ZNHIT6: variants seen among roughly 807,000 people sequenced by gnomAD.
ZNHIT6 encodes zinc finger HIT-type containing 6.
In ZNHIT6, 45 loss-of-function variants were observed where a neutral mutation model predicts 57.2. The observed-to-expected ratio is 0.79, with a 90% CI of 0.62 to 1.01. The LOEUF (loss-of-function observed/expected upper bound fraction) is 1.01. Ranked by LOEUF, ZNHIT6 falls within the 50% of genes least tolerant of loss-of-function variation. The pLI is 0.00. For missense variants in ZNHIT6, 528 were observed against 567.3 expected, an observed-to-expected ratio of 0.93 and a Z score of 0.70; for synonymous variants, 188 against 190.0, an observed-to-expected ratio of 0.99 and a Z score of 0.09.
chr1:85,656,222 T>TA (rs1164671955), intron 9 of ZNHIT6, among the ~76,000 whole-genome samples: 1 of 152,184 alleles, frequency 6.6e-6, no homozygotes, highest in South Asian at 2.1e-4. Flanking sequence ...TGTGTGTACT[T>TA]ACGATGTGAC....
At chr1:85,693,480 T>C (rs1305391625) in intron 5 of ZNHIT6, among the ~76,000 whole-genome samples, 1 of 152,092 alleles carries the variant, frequency 6.6e-6, no homozygotes, top group Non-Finnish European at 1.5e-5. Context: ...GGAGGGAAAG[T>C]GACTTGGACA....
intron 5 of ZNHIT6, among the ~76,000 whole-genome samples, chr1:85,684,379 C>T (rs74828501): frequency 6.6e-6 from 1 of 152,176 alleles, no homozygotes; most frequent in East Asian, 1.9e-4. Flanking sequence ...CACATGCATT[C>T]TCAATGAGGG....
Position 85,708,028 on chromosome 1 carries a change from G to T in ZNHIT6, c.257C>A (p.Pro86Gln). The change falls in exon 1 of 10, where the codon CCA (proline) becomes CAA (glutamine). Residue 86 changes from proline (P) to glutamine (Q), a missense_variant. By Grantham distance (76) the Pro-to-Gln change is moderately conservative. Transcript: ENST00000370574. ...TVVKQEIIDWPGTEGRLAGQW... is the reference protein window; with the variant it reads ...TVVKQEIIDWQGTEGRLAGQW... ...GCCAGCCAACCTGCCTTCTGTACCT[G>T]GCCAGTCTATAATTTCCTGCTTCAC... is the stretch of plus-strand genomic sequence containing the variant. 1 of 1,614,048 alleles carries T rather than the reference G, an allele frequency of 6.2e-7. No homozygotes were observed. The highest frequency in any genetic ancestry group is 8.5e-7 in the Non-Finnish European group (1 of 1,180,018).
chr1:85,667,696 G>A (rs1313165950), intron 8 of ZNHIT6, among the ~76,000 whole-genome samples: 1 of 150,002 alleles, frequency 6.7e-6, no homozygotes, highest in Non-Finnish European at 1.5e-5. Flanking sequence ...ACTTTGGGAG[G>A]CTGAGGCAGG....
chr1:85,694,048 T>C (rs763162628), intron 5 of ZNHIT6, among the ~76,000 whole-genome samples: 4 of 152,064 alleles, frequency 2.6e-5, no homozygotes, highest in Non-Finnish European at 4.4e-5. Context: ...AAAAGAAATG[T>C]ACAGGGGGAA....
At chr1:85,669,145 A>ACAT (rs1661476270) in intron 8 of ZNHIT6, among the ~76,000 whole-genome samples, 1 of 152,204 alleles carries the variant, frequency 6.6e-6, no homozygotes, top group Non-Finnish European at 1.5e-5. Context: ...AATACAGGTT[A>ACAT]CATGTTCCAC....
chr1:85,707,626 T>C lies in ZNHIT6; in HGVS notation c.656+3A>G, dbSNP rs1662725045. On this transcript the variant is annotated splice_donor_region_variant and intron_variant, in intron 1 of 9. Transcript: ENST00000370574. ...CCCCTAAATGGAATCCCCCATGCCC[T>C]ACCTTGACATGGCCAGTTTCCGCTT... The C allele has an allele frequency of 6.5e-7, 1 of 1,540,816 alleles. No homozygotes were observed. The highest frequency in any genetic ancestry group is 1.4e-5 in the African/African-American group (1 of 72,332).
chr1:85,689,040 C>T (rs897750331), intron 5 of ZNHIT6, among the ~76,000 whole-genome samples: 4 of 152,140 alleles, frequency 2.6e-5, no homozygotes, highest in South Asian at 2.1e-4. Context: ...AACATTTCTG[C>T]TATGTTTCTC....
chr1:85,677,195 CT>C (rs1316263618), intron 8 of ZNHIT6, 40 bp downstream of exon 8: 1 of 1,484,238 alleles, frequency 6.7e-7, no homozygotes, highest in Non-Finnish European at 9.1e-7. Flanking sequence ...TATTACAGAA[CT>C]AAAAAATATT....
intron 8 of ZNHIT6, among the ~76,000 whole-genome samples, chr1:85,668,524 A>G (rs1256164100): frequency 6.6e-6 from 1 of 152,232 alleles, no homozygotes; most frequent in African/African-American, 2.4e-5. Flanking sequence ...ATCTGAAAAT[A>G]GTTAATACTG....
intron 5 of ZNHIT6, among the ~76,000 whole-genome samples, chr1:85,687,288 C>CAAAAAAAAAA (rs1358501791): frequency 4.0e-5 from 3 of 75,226 alleles, no homozygotes; most frequent in African/African-American, 1.1e-4. Context: ...TCTCAAAAAA[C>CAAAAAAAAAA]AAAAAAAAAA....
rs139163295 is a variant in ZNHIT6, at chr1:85,657,724, C to T, written c.1372+123G>A. On this transcript the variant is annotated intron_variant, in intron 9 of 9. Transcript: ENST00000370574. ...TGGTTCTTCACATTAACTAGCTATACAGTAGATCCTGTAAGTGTGTAAATA... is the reference window on the plus strand; with the variant it reads ...TGGTTCTTCACATTAACTAGCTATATAGTAGATCCTGTAAGTGTGTAAATA... The T allele has an allele frequency of 6.1e-3, 5,434 of 896,448 alleles. 29 individuals are homozygous for T. Among genetic ancestry groups the T allele is most frequent in the Middle Eastern group, 1.0e-2 (31 of 3,106 alleles). 55.5% of individuals were successfully genotyped at this position (896,448 alleles called of 1,614,324 possible).
At chr1:85,656,643 T>G (rs1661067514) in intron 9 of ZNHIT6, among the ~76,000 whole-genome samples, 1 of 152,118 alleles carries the variant, frequency 6.6e-6, no homozygotes, top group Non-Finnish European at 1.5e-5. Flanking sequence ...ACTGGCCATT[T>G]AAAACTAAAA....
intron 8 of ZNHIT6, among the ~76,000 whole-genome samples, chr1:85,667,946 T>TAAAAAAAAAAAAAAA (rs1471641849): frequency 0.039 from 146 of 3,734 alleles, 22 homozygotes; most frequent in Non-Finnish European, 0.063. Flanking sequence ...ACTCTCTCTT[T>TAAAAAAAAAAAAAAA]CAAAAAAAAA....
Position 85,705,995 on chromosome 1 carries a change from T to C in ZNHIT6, c.915+83A>G, listed in dbSNP as rs112787307. 21 of 1,105,226 alleles carry C rather than the reference T, an allele frequency of 1.9e-5. 1 individual carries two copies. The African/African-American group carries it at 2.1e-4, about 11-fold the overall frequency. The allele number at this position is 1,105,226 out of a possible 1,614,324, so 68.5% of individuals were successfully genotyped here. A position where few individuals can be genotyped will look rare whatever the true frequency, so the allele number is the denominator to read the frequency against. The stretch of plus-strand genomic sequence containing the variant: ...GCTCTACATCATGGTAGCCACTTAA[T>C]ATATTTGGTAAGTTAAAAAAAAAAA... On this transcript the variant is annotated intron_variant, in intron 4 of 9. Transcript: ENST00000370574.
chr1:85,705,918 G>A lies in ZNHIT6; in HGVS notation c.915+160C>T, dbSNP rs148358425. Among the ~76,000 whole-genome samples the A allele has an allele frequency of 3.8e-4, 57 of 151,750 alleles. No individual in the cohort carries two copies. In the East Asian group the frequency reaches 7.9e-3, roughly 21 times the overall value. On this transcript the variant is annotated intron_variant, in intron 4 of 9. Coordinates refer to ENST00000370574, the MANE Select transcript of ZNHIT6 (RefSeq NM_017953.4). ...TATCTCCCACTAAATACAACTCCACGAGGGGACGGACTTTGTTTGGGTCAC... is the reference window on the plus strand; with the variant it reads ...TATCTCCCACTAAATACAACTCCACAAGGGGACGGACTTTGTTTGGGTCAC...
rs941303762 is a variant in ZNHIT6 at position 85,649,905 on chromosome 1, TAAG to T, written c.*4150_*4152del. ...TAATGGCAACTCAAAGCAGCAATAA[TAAG>T]AAGAAGAGATTAAAATCTCTAGTTA... is the stretch of plus-strand genomic sequence containing the variant. On this transcript the variant is annotated 3_prime_UTR_variant, in exon 10 of 10. Coordinates refer to ENST00000370574, the MANE Select transcript of ZNHIT6 (RefSeq NM_017953.4). The T allele has an allele frequency of 3.4e-4, 51 of 152,012 alleles. No homozygotes were observed. Among genetic ancestry groups the T allele is most frequent in the East Asian group, 1.2e-3 (6 of 5,166 alleles). 9.4% of individuals were successfully genotyped at this position (152,012 alleles called of 1,614,324 possible).
rs1179984151 is a variant in ZNHIT6 at position 85,667,933 on chromosome 1, C to T, written c.1247+9303G>A. Among the ~76,000 whole-genome samples the T allele has an allele frequency of 1.0e-4, 3 of 29,978 alleles. No individual in the cohort carries two copies. The Admixed American group carries it at 1.2e-3, about 12-fold the overall frequency. 19.7% of individuals were successfully genotyped at this position (29,978 alleles called of 152,430 possible). A position where few individuals can be genotyped will look rare whatever the true frequency, so the allele number is the denominator to read the frequency against. ...TGGGCAACAGAGTGAGACTCATTCA[C>T]TCACTCTCTCTTTCAAAAAAAAAAA... On this transcript the variant is annotated intron_variant, in intron 8 of 9. Coordinates refer to ENST00000370574, the MANE Select transcript of ZNHIT6 (RefSeq NM_017953.4).
chr1:85,651,394 C>G lies in ZNHIT6; in HGVS notation c.*2664G>C, dbSNP rs562149702. ...CTGGAATTACAGGTGCCTGCCACCA[C>G]GCCTGGCTAATTTTTGTATTTTTAG... On this transcript the variant is annotated 3_prime_UTR_variant, in exon 10 of 10. Coordinates refer to ENST00000370574, the MANE Select transcript of ZNHIT6 (RefSeq NM_017953.4). 6.6e-6 allele frequency: 1 copy of G among 152,052 alleles called. No individual in the cohort carries two copies. Among genetic ancestry groups the G allele is most frequent in the Non-Finnish European group, 1.5e-5 (1 of 68,014 alleles). 9.4% of individuals were successfully genotyped at this position (152,052 alleles called of 1,614,324 possible). A position where few individuals can be genotyped will look rare whatever the true frequency, so the allele number is the denominator to read the frequency against.
Sources: gnomAD v4.1 joint callset for allele counts (sites outside exome capture counted in the v4.1 genomes callset) on GRCh38, gnomAD v4.1.1 for gene constraint, MANE v1.5 for transcripts, NCBI Gene and HGNC (gene_info 2026-07-23, HGNC 2026-07-21) for gene names.